BCAS3: variants seen among roughly 807,000 people sequenced by gnomAD.
The protein encoded by BCAS3 is BCAS3 microtubule associated cell migration factor, also known as BCAS4/BCAS3 fusion.
Under a neutral mutation model 116.1 loss-of-function variants are expected in BCAS3, and 53 were observed. The ratio of observed to expected loss-of-function variants is 0.46; its 90% CI spans 0.37 to 0.57. The LOEUF (loss-of-function observed/expected upper bound fraction) is 0.57, where lower values mean the gene tolerates loss of function less well. Ranked by LOEUF, BCAS3 falls within the 20% of genes least tolerant of loss-of-function variation. BCAS3 has a pLI of 0.00. For missense variants in BCAS3, 917 were observed against 1,165.4 expected, an observed-to-expected ratio of 0.79 and a Z score of 3.10; for synonymous variants, 391 against 408.2, an observed-to-expected ratio of 0.96 and a Z score of 0.51.
chr17:60,810,088 G>A (rs2048655137), intron 7 of BCAS3: 1 of 277,984 alleles, frequency 3.6e-6, no homozygotes, highest in Non-Finnish European at 7.4e-6. Flanking sequence ...TGAGAAAAAG[G>A]CAGACAATAG....
chr17:60,752,158 GTGT>G (rs1568167766), intron 6 of BCAS3, among the ~76,000 whole-genome samples: 2 of 130,872 alleles, frequency 1.5e-5, no homozygotes, highest in African/African-American at 8.2e-5. Flanking sequence ...GCTGAAGGGT[GTGT>G]GTGTGTGTGT....
At position 61,309,805 on chromosome 17, in the gene BCAS3, C is replaced by G. The variant is rs2054155277; in HGVS notation, c.2426-58522C>G. 6.6e-6 allele frequency among the ~76,000 whole-genome samples: 1 copy of G among 152,076 alleles called. No individual in the cohort carries two copies. Among genetic ancestry groups the G allele is most frequent in the South Asian group, 2.1e-4 (1 of 4,818 alleles). On this transcript the variant is annotated intron_variant, in intron 22 of 23. Coordinates refer to ENST00000407086, the MANE Select transcript of BCAS3 (RefSeq NM_017679.5). The surrounding 1 kb of genome is among the most constrained non-coding windows in gnomAD (Gnocchi z 4.6). The stretch of plus-strand genomic sequence containing the variant: ...GGGTGACAAGAGGGAGCCCGAGAGC[C>G]CCCCATGAATCTGTCTGCACCCTTG...
rs72834646 is a variant in BCAS3, at chr17:61,344,992, C to A, written c.2426-23335C>A. On this transcript the variant is annotated intron_variant, in intron 22 of 23. Transcript: ENST00000407086. The surrounding 1 kb of genome is among the most constrained non-coding windows in gnomAD (Gnocchi z 4.1). ...AATAGCCACTCTGTCCCTTCTCATG[C>A]GGAGGAAGCACAGGGTAATCTGGAT... Among the ~76,000 whole-genome samples the A allele has an allele frequency of 7.2e-5, 11 of 152,212 alleles. No homozygotes were observed. The highest frequency in any genetic ancestry group is 1.3e-4 in the Admixed American group (2 of 15,280).
intron 7 of BCAS3, among the ~76,000 whole-genome samples, chr17:60,817,590 GAA>G (rs2049544386): frequency 6.6e-6 from 1 of 152,166 alleles, no homozygotes; most frequent in Non-Finnish European, 1.5e-5. Context: ...TGTAGATGAA[GAA>G]AAGAGGTTAA....
At chr17:60,976,053 G>A (rs1185468414) in intron 14 of BCAS3, among the ~76,000 whole-genome samples, 1 of 37,226 alleles carries the variant, frequency 2.7e-5, no homozygotes. Context: ...TTTTGAGATG[G>A]AGTCTTGCTC....
chr17:60,921,399 G>A (rs931798676), intron 12 of BCAS3, among the ~76,000 whole-genome samples: 2 of 151,972 alleles, frequency 1.3e-5, no homozygotes, highest in Non-Finnish European at 2.9e-5. Context: ...GGATCACAAG[G>A]TCAGGAGATC....
chr17:61,034,608 C>G lies in BCAS3; in HGVS notation c.1638-58C>G. On this transcript the variant is annotated intron_variant, in intron 16 of 23. Coordinates refer to ENST00000407086, the MANE Select transcript of BCAS3 (RefSeq NM_017679.5). The surrounding 1 kb of genome is among the most constrained non-coding windows in gnomAD (Gnocchi z 5.0). The stretch of plus-strand genomic sequence containing the variant: ...AATTTAAAGGAAAAACTGTCATTAC[C>G]TAAAGGAGTATCATTTCATCATGAT... The G allele has an allele frequency of 1.3e-6, 2 of 1,482,128 alleles. No individual in the cohort carries two copies. The highest frequency in any genetic ancestry group is 1.9e-6 in the Non-Finnish European group (2 of 1,080,926). The allele number at this position is 1,482,128 out of a possible 1,614,324, so 91.8% of individuals were successfully genotyped here.
intron 8 of BCAS3, among the ~76,000 whole-genome samples, chr17:60,874,163 C>A (rs924067487): frequency 2.0e-5 from 3 of 152,098 alleles, no homozygotes; most frequent in Non-Finnish European, 4.4e-5. Context: ...ACCTCCTGGG[C>A]TCAAGTGATC....
At chr17:60,856,025 C>G (rs994782218) in intron 7 of BCAS3, among the ~76,000 whole-genome samples, 3 of 152,104 alleles carry the variant, frequency 2.0e-5, no homozygotes, top group African/African-American at 7.2e-5. Flanking sequence ...TCTATATAAT[C>G]TCTTTCATGA....
intron 16 of BCAS3, among the ~76,000 whole-genome samples, chr17:61,016,242 A>G (rs1401180633): frequency 6.6e-6 from 1 of 152,194 alleles, no homozygotes; most frequent in Non-Finnish European, 1.5e-5. Flanking sequence ...TCGGGATTTG[A>G]AATGACTCCC....
intron 5 of BCAS3, among the ~76,000 whole-genome samples, chr17:60,715,640 C>T (rs1185399604): frequency 2.0e-5 from 3 of 151,534 alleles, no homozygotes; most frequent in Non-Finnish European, 4.4e-5. Flanking sequence ...AGGTGCACGC[C>T]CCATGTCCGG....
Position 60,882,212 on chromosome 17 carries a change from T to C in BCAS3, c.661+7474T>C, listed in dbSNP as rs978248670. Among the ~76,000 whole-genome samples the C allele has an allele frequency of 3.9e-5, 6 of 152,344 alleles. No homozygotes were observed. In the South Asian group the frequency reaches 1.0e-3, roughly 26 times the overall value. ...GCCAATGATGATGAGCATTTTTCCA[T>C]GTGTTTTTTGGCTGCATAAATGTCT... On this transcript the variant is annotated intron_variant, in intron 9 of 23. Transcript: ENST00000407086.
intron 14 of BCAS3, among the ~76,000 whole-genome samples, chr17:60,959,042 C>T (rs796116357): frequency 2.0e-4 from 30 of 152,124 alleles, no homozygotes; most frequent in South Asian, 2.1e-4. Flanking sequence ...AGGTTGGACA[C>T]AGTTATAATT....
intron 22 of BCAS3, among the ~76,000 whole-genome samples, chr17:61,121,149 C>A (rs1332244883): frequency 3.3e-5 from 5 of 152,022 alleles, no homozygotes; most frequent in Non-Finnish European, 7.4e-5. Flanking sequence ...CTCTTTTCAG[C>A]ATACAGAGTT....
chr17:60,833,088 A>G (rs529263105), intron 7 of BCAS3, among the ~76,000 whole-genome samples: 66 of 152,162 alleles, frequency 4.3e-4, no homozygotes, highest in Non-Finnish European at 7.2e-4. Context: ...GCTGGTCTCA[A>G]ACTCCTGAGC....
At chr17:61,253,192 G>A (rs1209180881) in intron 22 of BCAS3, among the ~76,000 whole-genome samples, 1 of 151,246 alleles carries the variant, frequency 6.6e-6, no homozygotes, top group Non-Finnish European at 1.5e-5. Context: ...TATACCATTT[G>A]TTCCTACTAC....
intron 13 of BCAS3, among the ~76,000 whole-genome samples, chr17:60,941,661 G>C (rs1243069629): frequency 6.6e-6 from 1 of 152,162 alleles, no homozygotes; most frequent in Non-Finnish European, 1.5e-5. Context: ...ATACAGAGAA[G>C]ATAATAGGCA....
intron 22 of BCAS3, among the ~76,000 whole-genome samples, chr17:61,089,630 A>C (rs552327309): frequency 2.1e-5 from 3 of 145,236 alleles, no homozygotes. Context: ...CCTGGGTTCA[A>C]GCCATTCTCC....
rs1477252520 is a variant in BCAS3 at position 60,808,051 on chromosome 17, G to T, written c.451G>T (p.Val151Phe). Reference protein sequence around the residue: ...NFAEKRPLLGVCKSIGSSGTS... With the variant: ...NFAEKRPLLGFCKSIGSSGTS... ...TGCTGAAAAAAGACCCCTCCTTGGT[G>T]TTTGTAAGAGCATTGGATCTTCTGG... Residue 151 changes from valine (V) to phenylalanine (F), a missense_variant, in exon 7 of 24, where the codon GTT (valine) becomes TTT (phenylalanine). Transcript: ENST00000407086. 6.2e-7 allele frequency: 1 copy of T among 1,607,658 alleles called. No individual in the cohort carries two copies. Among genetic ancestry groups the T allele is most frequent in the East Asian group, 2.2e-5 (1 of 44,698 alleles).
Sources: allele counts gnomAD v4.1 joint callset (sites outside exome capture counted in the v4.1 genomes callset), GRCh38; gene constraint gnomAD v4.1.1; non-coding constraint Gnocchi (gnomAD v3.1); transcripts MANE v1.5; gene names NCBI Gene and HGNC (gene_info 2026-07-23, HGNC 2026-07-21).